MTHFD2L: variants seen among roughly 807,000 people sequenced by gnomAD.
MTHFD2L encodes the protein bifunctional methylenetetrahydrofolate dehydrogenase/cyclohydrolase 2, mitochondrial.
A neutral mutation model predicts 34.9 loss-of-function variants in MTHFD2L; 29 were observed. The observed-to-expected ratio is 0.83, with a 90% CI of 0.62 to 1.13. The LOEUF (loss-of-function observed/expected upper bound fraction) is 1.13. Among genes scored for constraint, MTHFD2L ranks in the 50% most tolerant of loss-of-function variants. The pLI is 0.00. For synonymous variants in MTHFD2L, 167 were observed against 155.7 expected (o/e 1.07, Z -0.54); for missense variants, 481 against 446.5 (o/e 1.08, Z -0.70).
intron 6 of MTHFD2L, chr4:74,280,467 T>C (rs1747298063): frequency 6.6e-6 from 1 of 152,124 alleles, no homozygotes; most frequent in African/African-American, 2.4e-5. Flanking sequence ...TTTAGCCTGG[T>C]CATGTCTTTA....
At chr4:74,193,364 A>G (rs1488208826) in intron 3 of MTHFD2L, among the ~76,000 whole-genome samples, 2 of 152,148 alleles carry the variant, frequency 1.3e-5, no homozygotes. Context: ...GTAGCTTTGT[A>G]GCAAGTCTTG....
chr4:74,190,688 C>G (rs1431449777), intron 3 of MTHFD2L: 1 of 199,082 alleles, frequency 5.0e-6, no homozygotes, highest in Non-Finnish European at 9.0e-6. Context: ...TATTTGCTGT[C>G]TTGAAATCTT....
At chr4:74,268,386 A>G (rs1016460875) in intron 6 of MTHFD2L, 1 of 412,170 alleles carries the variant, frequency 2.4e-6, no homozygotes, top group Non-Finnish European at 3.3e-6. Context: ...AAGCATTTCC[A>G]TGGTGTTCCT....
chr4:74,152,869 A>G (rs189790007), intron 1 of MTHFD2L, among the ~76,000 whole-genome samples: 2 of 152,362 alleles, frequency 1.3e-5, no homozygotes, highest in East Asian at 3.9e-4. Context: ...AACAAAAACA[A>G]AAAGAAAACA....
At chr4:74,241,347 G>GT (rs1240409788) in intron 6 of MTHFD2L, among the ~76,000 whole-genome samples, 1 of 152,088 alleles carries the variant, frequency 6.6e-6, no homozygotes, top group Non-Finnish European at 1.5e-5. Context: ...AGCATGTTTT[G>GT]TAATAAATAG....
intron 1 of MTHFD2L, among the ~76,000 whole-genome samples, chr4:74,131,132 A>T (rs1247914310): frequency 6.6e-6 from 1 of 152,238 alleles, no homozygotes; most frequent in Non-Finnish European, 1.5e-5. Context: ...GATAGGAAGA[A>T]TCAATATTGT....
intron 1 of MTHFD2L, among the ~76,000 whole-genome samples, chr4:74,166,427 G>T (rs868647887): frequency 2.0e-5 from 3 of 152,110 alleles, no homozygotes; most frequent in African/African-American, 4.8e-5. Context: ...AAAATTACTT[G>T]TGCATTGTTT....
chr4:74,190,935 G>A (rs1314053624), intron 3 of MTHFD2L, among the ~76,000 whole-genome samples: 1 of 152,052 alleles, frequency 6.6e-6, no homozygotes, highest in Non-Finnish European at 1.5e-5. Context: ...GAGTCTCGCT[G>A]TATTGCCCAG....
At chr4:74,202,717 A>T (rs992302112) in intron 5 of MTHFD2L, among the ~76,000 whole-genome samples, 2 of 152,182 alleles carry the variant, frequency 1.3e-5, no homozygotes, top group Non-Finnish European at 2.9e-5. Flanking sequence ...TTTGTTTACC[A>T]TTTATTACTT....
intron 6 of MTHFD2L, among the ~76,000 whole-genome samples, chr4:74,262,905 G>T (rs1744850557): frequency 6.6e-6 from 1 of 151,876 alleles, no homozygotes; most frequent in Non-Finnish European, 1.5e-5. Flanking sequence ...TGTATATTCA[G>T]AAATCTGTAT....
intron 1 of MTHFD2L, among the ~76,000 whole-genome samples, chr4:74,163,237 C>T (rs973208304): frequency 2.0e-5 from 3 of 152,092 alleles, no homozygotes; most frequent in African/African-American, 7.2e-5. Flanking sequence ...TTAGACCTAC[C>T]ACTAGATCCT....
At chr4:74,203,660 A>C (rs149256899) in intron 5 of MTHFD2L, among the ~76,000 whole-genome samples, 1 of 152,146 alleles carries the variant, frequency 6.6e-6, no homozygotes, top group African/African-American at 2.4e-5. Flanking sequence ...ACCAGATATC[A>C]TGAGAACTCA....
At chr4:74,273,768 A>G (rs1161013294) in intron 6 of MTHFD2L, among the ~76,000 whole-genome samples, 1 of 152,188 alleles carries the variant, frequency 6.6e-6, no homozygotes, top group Non-Finnish European at 1.5e-5. Context: ...TCTAGGAACT[A>G]TCAGGTGAAA....
chr4:74,119,994 A>G (rs1387178725), upstream of MTHFD2L, among the ~76,000 whole-genome samples: 1 of 152,172 alleles, frequency 6.6e-6, no homozygotes, highest in Non-Finnish European at 1.5e-5. Flanking sequence ...GAAAAAAAAA[A>G]GATGAACAAG....
chr4:74,115,535 G>A (rs1184791562), intron 2 of MTHFD2L, among the ~76,000 whole-genome samples: 3 of 152,208 alleles, frequency 2.0e-5, no homozygotes, highest in South Asian at 2.1e-4. Flanking sequence ...AAGAATTAGC[G>A]CGGATGGTTC....
chr4:74,174,802 A>G (rs369339562), intron 2 of MTHFD2L, 112 bp downstream of exon 2: 1 of 725,238 alleles, frequency 1.4e-6, no homozygotes, highest in South Asian at 3.9e-5. Flanking sequence ...AATTGCATGT[A>G]TTATTATTAA....
chr4:74,120,579 T>G (rs1721737597), upstream of MTHFD2L, among the ~76,000 whole-genome samples: 1 of 152,216 alleles, frequency 6.6e-6, no homozygotes, highest in Admixed American at 6.5e-5. Context: ...AATGTAACTC[T>G]TCACACTGTG....
At chr4:74,285,892 G>A (rs940314678) in intron 7 of MTHFD2L, among the ~76,000 whole-genome samples, 5 of 152,064 alleles carry the variant, frequency 3.3e-5, no homozygotes, top group African/African-American at 4.8e-5. Flanking sequence ...TCAGTTGTTT[G>A]GTTACAGTTT....
At chr4:74,295,522 C>T (rs778987696) in intron 7 of MTHFD2L, among the ~76,000 whole-genome samples, 5 of 152,148 alleles carry the variant, frequency 3.3e-5, no homozygotes, top group Admixed American at 6.6e-5. Context: ...TTTCCTTTCA[C>T]CCCAGATATT....
Sources: allele counts gnomAD v4.1 joint callset (sites outside exome capture counted in the v4.1 genomes callset), GRCh38; gene constraint gnomAD v4.1.1; transcripts MANE v1.5; gene names NCBI Gene and HGNC (gene_info 2026-07-23, HGNC 2026-07-21).